Variants in SEMA4A observed in about 807,000 individuals in gnomAD.
SEMA4A encodes the protein semaphorin 4A.
A neutral mutation model predicts 72.5 loss-of-function variants in SEMA4A; 52 were observed. The ratio of observed to expected loss-of-function variants is 0.72; its 90% CI spans 0.57 to 0.90. The LOEUF (loss-of-function observed/expected upper bound fraction) is 0.90, where lower values mean the gene tolerates loss of function less well. Among genes scored for constraint, SEMA4A ranks in the 40% least tolerant of loss-of-function variants. The pLI is 0.00. For synonymous variants in SEMA4A, 369 were observed against 393.1 expected (o/e 0.94, Z 0.73); for missense variants, 926 against 959.7 (o/e 0.96, Z 0.46).
intron 6 of SEMA4A, 41 bp downstream of exon 6, chr1:156,158,865 C>A: frequency 6.7e-7 from 1 of 1,494,868 alleles, no homozygotes; most frequent in Non-Finnish European, 9.3e-7. Flanking sequence ...CATCTACTTT[C>A]TCCAGTCACG....
rs777184442 is a variant in SEMA4A, at chr1:156,154,659, G to T, written c.81G>T (p.Pro27=). ...FLFQLLQLLL[P]TTTAGGGGQG... ...TCCAACTGCTTCAGCTGCTGCTGCC[G>T]ACGACGACCGCGGGGGGAGGCGGGC... The change falls in exon 2 of 15, where the codon CCG becomes CCT. Residue 27 remains proline, a synonymous_variant. Coordinates refer to ENST00000368285, the MANE Select transcript of SEMA4A (RefSeq NM_022367.4). 6.2e-7 allele frequency: 1 copy of T among 1,605,036 alleles called. No individual in the cohort carries two copies. The highest frequency in any genetic ancestry group is 2.2e-5 in the East Asian group (1 of 44,658).
intron 2 of SEMA4A, chr1:156,156,207 TCTC>T: frequency 1.7e-6 from 1 of 603,516 alleles, no homozygotes; most frequent in South Asian, 1.7e-5. Flanking sequence ...TCTGGCTGCC[TCTC>T]CTCTCTACTG....
rs1654953511 is a variant in SEMA4A, at chr1:156,173,018, G to GT, written c.1315+14dup. 16 of 1,613,164 alleles carry GT rather than the reference G, an allele frequency of 9.9e-6. No homozygotes were observed. Among genetic ancestry groups the GT allele is most frequent in the Non-Finnish European group, 1.4e-5 (16 of 1,179,416 alleles). On this transcript the variant is annotated intron_variant, in intron 11 of 14. Transcript: ENST00000368285. Reference sequence around the variant, plus strand: ...GTACCTGGGAACCAGTGAGTAAAGAGTTCCGGGACATCCCCCAGAGGACTA... The same window carrying GT: ...GTACCTGGGAACCAGTGAGTAAAGAGTTTCCGGGACATCCCCCAGAGGACTA...
At chr1:156,162,804 A>AG in intron 9 of SEMA4A, 140 bp from the exon 10 acceptor site, 6 of 1,018,324 alleles carry the variant, frequency 5.9e-6, no homozygotes, top group Non-Finnish European at 9.1e-6. Context: ...CAACACAGTG[A>AG]GGGGAAGGAG....
rs1653502316 is a variant in SEMA4A at position 156,160,646 on chromosome 1, G to A, written c.685+87G>A. ...AACTTTCATTTGCGGAAGGTACAATGTGTCCATTACTGTTAGGCGCAGGGG... is the reference window on the plus strand; with the variant it reads ...AACTTTCATTTGCGGAAGGTACAATATGTCCATTACTGTTAGGCGCAGGGG... On this transcript the variant is annotated intron_variant, in intron 7 of 14. Transcript: ENST00000368285. The A allele has an allele frequency of 6.5e-6, 8 of 1,240,282 alleles. No homozygotes were observed. The Middle Eastern group carries it at 5.6e-4, about 87-fold the overall frequency. The allele number at this position is 1,240,282 out of a possible 1,614,324, so 76.8% of individuals were successfully genotyped here.
Position 156,158,085 on chromosome 1 carries a change from A to G in SEMA4A, c.316A>G (p.Ser106Gly). 6.2e-7 allele frequency: 1 copy of G among 1,614,150 alleles called. No homozygotes were observed. The highest frequency in any genetic ancestry group is 8.5e-7 in the Non-Finnish European group (1 of 1,180,028). The change falls in exon 4 of 15, where the codon AGT (serine) becomes GGT (glycine). Residue 106 changes from serine (S) to glycine (G), a missense_variant. By Grantham distance (56) the Ser-to-Gly change is moderately conservative. Transcript: ENST00000368285. Reference sequence around the variant, plus strand: ...CCACTTTCAGATACCGTGGCCAGCCAGTGACAGAAAAAAGAGTGAATGTGC... The same window carrying G: ...CCACTTTCAGATACCGTGGCCAGCCGGTGACAGAAAAAAGAGTGAATGTGC... Reference protein sequence around the residue: ...RLKNMIPWPASDRKKSECAFK... With the variant: ...RLKNMIPWPAGDRKKSECAFK...
intron 6 of SEMA4A, among the ~76,000 whole-genome samples, chr1:156,159,579 G>A (rs1250655011): frequency 1.3e-5 from 2 of 152,092 alleles, no homozygotes; most frequent in Admixed American, 6.6e-5. Flanking sequence ...TTCCTCTGGT[G>A]TACTGGGCAC....
rs1482234971 is a variant in SEMA4A at position 156,156,066 on chromosome 1, TTGTC to T, written c.140-341_140-338del. Reference sequence around the variant, plus strand: ...CTTGTGGCTGCCAACACTTTCCTGTTTGTCTGTCTGCCTGCTGCTCCTCATCCTA... The same window carrying T: ...CTTGTGGCTGCCAACACTTTCCTGTTTGTCTGCCTGCTGCTCCTCATCCTA... On this transcript the variant is annotated intron_variant, in intron 2 of 14. Transcript: ENST00000368285. 9 of 361,988 alleles carry T rather than the reference TTGTC, an allele frequency of 2.5e-5. No homozygotes were observed. The East Asian group carries it at 2.8e-4, about 11-fold the overall frequency. The allele number at this position is 361,988 out of a possible 1,614,324, so 22.4% of individuals were successfully genotyped here.
intron 11 of SEMA4A, among the ~76,000 whole-genome samples, chr1:156,173,890 A>C (rs1655050818): frequency 6.6e-6 from 1 of 152,074 alleles, no homozygotes; most frequent in African/African-American, 2.4e-5. Context: ...TGGGTGGATC[A>C]CCTGAGGTCA....
In SEMA4A at chr1:156,177,139, G is replaced by A. The variant is rs1655433350; in HGVS notation, c.*142G>A. On this transcript the variant is annotated 3_prime_UTR_variant, in exon 15 of 15. Coordinates refer to ENST00000368285, the MANE Select transcript of SEMA4A (RefSeq NM_022367.4). ...GGAGCTTCTGCTACTCTGCATCACT[G>A]ATGACACTCAGCAGGGTGATGCACA... 7.8e-6 allele frequency: 6 copies of A among 767,618 alleles called. No individual in the cohort carries two copies. The East Asian group carries it at 1.6e-4, about 20-fold the overall frequency. The allele number at this position is 767,618 out of a possible 1,614,324, so 47.6% of individuals were successfully genotyped here.
In SEMA4A at chr1:156,158,401, A is replaced by G. The variant is rs1179943804; in HGVS notation, c.377A>G (p.Asn126Ser). ...KKKSNETQCF[N>S]FIRVLVSYNV... ...TGTCTCCCTCAGACACAGTGTTTCA[A>G]CTTCATCCGTGTCCTGGTTTCTTAC... The change falls in exon 5 of 15, where the codon AAC becomes AGC. Residue 126 changes from asparagine to serine, a missense_variant. By Grantham distance (46) the Asn-to-Ser change is conservative. Coordinates refer to ENST00000368285, the MANE Select transcript of SEMA4A (RefSeq NM_022367.4). The G allele has an allele frequency of 2.5e-6, 4 of 1,613,574 alleles. No individual in the cohort carries two copies. Among genetic ancestry groups the G allele is most frequent in the Non-Finnish European group, 3.4e-6 (4 of 1,179,614 alleles).
chr1:156,174,791 G>A, intron 11 of SEMA4A, 31 bp from the exon 12 acceptor site: 1 of 1,614,104 alleles, frequency 6.2e-7, no homozygotes, highest in Non-Finnish European at 8.5e-7. Context: ...GATGAGATGA[G>A]ATGACTTCCA....
upstream of SEMA4A, among the ~76,000 whole-genome samples, chr1:156,153,180 A>AT (rs1319211937): frequency 1.3e-5 from 2 of 152,026 alleles, no homozygotes; most frequent in African/African-American, 4.8e-5. Context: ...ATTTTATTTT[A>AT]TTTTTTTAAA....
intron 10 of SEMA4A, 32 bp downstream of exon 10, chr1:156,163,126 T>C: frequency 6.3e-7 from 1 of 1,593,316 alleles, no homozygotes; most frequent in Non-Finnish European, 8.6e-7. Context: ...GAGCACAGTC[T>C]ACACATACAT....
At chr1:156,161,664 C>T in intron 9 of SEMA4A, 146 bp downstream of exon 9, 1 of 776,884 alleles carries the variant, frequency 1.3e-6, no homozygotes, top group Non-Finnish European at 2.1e-6. Context: ...CACCACCTCT[C>T]AGGAATTTGA....
At chr1:156,159,094 G>T in intron 6 of SEMA4A, 1 of 466,010 alleles carries the variant, frequency 2.1e-6, no homozygotes, top group Non-Finnish European at 3.9e-6. Flanking sequence ...AGCAGTTTGG[G>T]AGGCTGAGGT....
At position 156,176,440 on chromosome 1, in the gene SEMA4A, G is replaced by A; in HGVS notation, c.1729G>A (p.Glu577Lys). 3.7e-6 allele frequency: 6 copies of A among 1,614,012 alleles called. No individual in the cohort carries two copies. Among genetic ancestry groups the A allele is most frequent in the Non-Finnish European group, 5.1e-6 (6 of 1,179,984 alleles). The change falls in exon 15 of 15, where the codon GAG becomes AAG. Residue 577 changes from glutamate (E) to lysine (K), a missense_variant. Coordinates refer to ENST00000368285, the MANE Select transcript of SEMA4A (RefSeq NM_022367.4). ...CCTGGCTGTCCCCAACTCCATCCTG[G>A]AGCTCCCCTGCCCCCACCTGTCAGC... ...EVLAVPNSIL[E>K]LPCPHLSALA... is the part of the protein sequence containing the mutation.
intron 6 of SEMA4A, chr1:156,159,031 C>CAAA (rs34840198): frequency 1.0e-3 from 290 of 287,208 alleles, no homozygotes; most frequent in South Asian, 1.7e-3. Context: ...GAGATCGTCT[C>CAAA]AAAAAAAAAA....
Position 156,161,622 on chromosome 1 carries a change from C to G in SEMA4A, c.983+104C>G, listed in dbSNP as rs1465575735. On this transcript the variant is annotated intron_variant, in intron 9 of 14. Coordinates refer to ENST00000368285, the MANE Select transcript of SEMA4A (RefSeq NM_022367.4). ...GAATTGACATGAGCCAGCACCTACT[C>G]AGCACTTTCACATAGGAAGGCATTA... is the stretch of plus-strand genomic sequence containing the variant. 2.4e-6 allele frequency: 3 copies of G among 1,239,034 alleles called. No homozygotes were observed. The East Asian group carries it at 7.6e-5, about 31-fold the overall frequency. The allele number at this position is 1,239,034 out of a possible 1,614,324, so 76.8% of individuals were successfully genotyped here.
Sources: allele counts gnomAD v4.1 joint callset (sites outside exome capture counted in the v4.1 genomes callset), GRCh38; gene constraint gnomAD v4.1.1; transcripts MANE v1.5; gene names NCBI Gene and HGNC (gene_info 2026-07-23, HGNC 2026-07-21).